The following CNTN5 variants were observed in gnomAD, a reference collection of about 807,000 sequenced individuals.
The protein encoded by CNTN5 is contactin 5, also known as contactin-5.
CNTN5 carries 77 observed loss-of-function variants against 129.1 expected under a neutral mutation model. The ratio of observed to expected loss-of-function variants is 0.60; its 90% CI spans 0.50 to 0.72. CNTN5 has a LOEUF of 0.72. Ranked by LOEUF, CNTN5 falls within the 30% of genes least tolerant of loss-of-function variation. CNTN5 has a pLI of 0.00. For synonymous variants in CNTN5, 509 were observed against 465.6 expected (o/e 1.09, Z -1.20); for missense variants, 1,478 against 1,328.8 (o/e 1.11, Z -1.75).
At chr11:99,295,882 CA>C (rs34180493) in intron 1 of CNTN5, among the ~76,000 whole-genome samples, 2,936 of 51,020 alleles carry the variant, frequency 0.058, 28 homozygotes, top group African/African-American at 0.18. Flanking sequence ...GACTCCGTCT[CA>C]AAAAAAAAAA....
At chr11:99,952,714 A>C (rs1950706664) in intron 7 of CNTN5, among the ~76,000 whole-genome samples, 1 of 152,150 alleles carries the variant, frequency 6.6e-6, no homozygotes, top group Non-Finnish European at 1.5e-5. Flanking sequence ...ATATTTTCAT[A>C]ATAAAGAACA....
chr11:99,247,614 C>T (rs1861880014), intron 1 of CNTN5, among the ~76,000 whole-genome samples: 1 of 151,906 alleles, frequency 6.6e-6, no homozygotes, highest in African/African-American at 2.4e-5. Flanking sequence ...CTCCCCCTTT[C>T]CCCCATCCCA....
intron 1 of CNTN5, among the ~76,000 whole-genome samples, chr11:99,275,087 T>G (rs1863363069): frequency 6.6e-6 from 1 of 151,332 alleles, no homozygotes; most frequent in Admixed American, 6.6e-5. Flanking sequence ...CATAGTTAAT[T>G]ATAAAATATT....
At chr11:99,939,788 T>G (rs1052879157) in intron 7 of CNTN5, among the ~76,000 whole-genome samples, 1 of 152,134 alleles carries the variant, frequency 6.6e-6, no homozygotes, top group African/African-American at 2.4e-5. Context: ...TGAGTCCTAA[T>G]TTGAATTCAG....
chr11:100,270,678 C>T (rs1325388187), intron 17 of CNTN5, among the ~76,000 whole-genome samples: 1 of 152,184 alleles, frequency 6.6e-6, no homozygotes, highest in Non-Finnish European at 1.5e-5. Flanking sequence ...TCTTAATTTG[C>T]TGCTTGGAAT....
At chr11:100,109,289 G>A (rs1226339151) in intron 13 of CNTN5, among the ~76,000 whole-genome samples, 3 of 152,176 alleles carry the variant, frequency 2.0e-5, no homozygotes, top group African/African-American at 7.2e-5. Context: ...AGCCAGGCGT[G>A]TTGACAGGCG....
chr11:99,935,345 T>C (rs1369255089), intron 7 of CNTN5, among the ~76,000 whole-genome samples: 2 of 152,044 alleles, frequency 1.3e-5, no homozygotes. Context: ...TTACATATAA[T>C]ACATGCCTTA....
intron 8 of CNTN5, among the ~76,000 whole-genome samples, chr11:99,960,816 T>G (rs2136186234): frequency 6.6e-6 from 1 of 152,096 alleles, no homozygotes; most frequent in African/African-American, 2.4e-5. Context: ...AGGTCAAGCC[T>G]GAACTAATCT....
chr11:99,712,028 C>G (rs973044479), intron 3 of CNTN5, among the ~76,000 whole-genome samples: 7 of 152,052 alleles, frequency 4.6e-5, no homozygotes, highest in African/African-American at 1.7e-4. Context: ...AATGGTACTT[C>G]TAGTTCCACA....
chr11:100,092,266 T>C (rs2138004947), intron 13 of CNTN5, among the ~76,000 whole-genome samples: 1 of 152,258 alleles, frequency 6.6e-6, no homozygotes, highest in South Asian at 2.1e-4. Flanking sequence ...TTTAGAACTA[T>C]CACTAAATTA....
intron 13 of CNTN5, among the ~76,000 whole-genome samples, chr11:100,185,584 C>T (rs894824900): frequency 3.9e-5 from 6 of 152,152 alleles, no homozygotes; most frequent in African/African-American, 1.4e-4. Context: ...AGAGGAAGGA[C>T]ACGTAATGGA....
At position 100,308,629 on chromosome 11, in the gene CNTN5, T is replaced by C. The variant is rs1021857915; in HGVS notation, c.2730+161T>C. 5.2e-6 allele frequency: 7 copies of C among 1,343,910 alleles called. No homozygotes were observed. In the East Asian group the frequency reaches 8.4e-5, roughly 16 times the overall value. The allele number at this position is 1,343,910 out of a possible 1,614,324, so 83.2% of individuals were successfully genotyped here. A position where few individuals can be genotyped will look rare whatever the true frequency, so the allele number is the denominator to read the frequency against. On this transcript the variant is annotated intron_variant, in intron 21 of 24. Transcript: ENST00000524871. ...AATACTATTTTACTGGGATGTGTTA[T>C]GTTGCTCATTAACTGGTTTATTTTT...
At chr11:99,201,818 A>G (rs1859224114) in intron 1 of CNTN5, among the ~76,000 whole-genome samples, 1 of 152,184 alleles carries the variant, frequency 6.6e-6, no homozygotes, top group Non-Finnish European at 1.5e-5. Context: ...AAGGAAATGG[A>G]TTCTGCACTA....
chr11:99,693,561 G>A (rs1954131142), intron 3 of CNTN5, among the ~76,000 whole-genome samples: 2 of 151,808 alleles, frequency 1.3e-5, no homozygotes, highest in African/African-American at 4.8e-5. Context: ...TGAAACATGG[G>A]GTCTTCAAGG....
chr11:99,794,100 G>T (rs1233622772), intron 3 of CNTN5, among the ~76,000 whole-genome samples: 3 of 151,622 alleles, frequency 2.0e-5, no homozygotes, highest in Non-Finnish European at 4.4e-5. Context: ...GTGCTCCTGT[G>T]CTGGGTACAT....
chr11:99,640,983 T>C (rs912357672), intron 3 of CNTN5, among the ~76,000 whole-genome samples: 3 of 152,230 alleles, frequency 2.0e-5, no homozygotes, highest in African/African-American at 7.2e-5. Flanking sequence ...ATCTCACTGA[T>C]GACCATCAGT....
chr11:99,149,613 CAA>C (rs780266851), intron 1 of CNTN5, among the ~76,000 whole-genome samples: 3 of 151,910 alleles, frequency 2.0e-5, no homozygotes, highest in Non-Finnish European at 4.4e-5. Context: ...CAACTTCTAA[CAA>C]AGTGAATTGC....
chr11:99,432,439 C>CTTTTCTTTTCTTTT lies in CNTN5; in HGVS notation c.-71+106955_-71+106956insTTTTCTTTTCTTTT, dbSNP rs1943412174. Among the ~76,000 whole-genome samples the CTTTTCTTTTCTTTT allele has an allele frequency of 8.8e-3, 998 of 113,166 alleles. 12 individuals carry two copies. The highest frequency in any genetic ancestry group is 0.03 in the African/African-American group (962 of 32,452). 74.2% of individuals were successfully genotyped at this position (113,166 alleles called of 152,430 possible). ...TCTTTCTTTTCTTTTCCTTTTCTTT[C>CTTTTCTTTTCTTTT]CTTTTCTTTTCTTTTCTTTTCTTTC... is the stretch of plus-strand genomic sequence containing the variant. On this transcript the variant is annotated intron_variant, in intron 2 of 24. Transcript: ENST00000524871.
chr11:100,312,072 G>C (rs931627005), intron 21 of CNTN5, among the ~76,000 whole-genome samples: 4 of 151,954 alleles, frequency 2.6e-5, no homozygotes, highest in African/African-American at 4.8e-5. Flanking sequence ...AGAATTCATG[G>C]ACATAGTAAC....
Sources: gnomAD v4.1 joint callset for allele counts (sites outside exome capture counted in the v4.1 genomes callset) on GRCh38, gnomAD v4.1.1 for gene constraint, MANE v1.5 for transcripts, NCBI Gene and HGNC (gene_info 2026-07-23, HGNC 2026-07-21) for gene names.